The following PRPF39 variants were observed in gnomAD, a reference collection of about 807,000 sequenced individuals.
The protein encoded by PRPF39 is pre-mRNA-processing factor 39.
PRPF39 carries 27 observed loss-of-function variants against 82.1 expected under a neutral mutation model. The ratio of observed to expected loss-of-function variants is 0.33; its 90% CI spans 0.24 to 0.45. The LOEUF is 0.45. Ranked by LOEUF, PRPF39 falls within the 20% of genes least tolerant of loss-of-function variation. PRPF39 has a pLI of 1.00. For missense variants in PRPF39, 581 were observed against 796.9 expected (o/e 0.73, Z 3.26); for synonymous variants, 261 against 256.4 (o/e 1.02, Z -0.17).
chr14:45,086,367 G>A (rs1883828305), intron 1 of PRPF39, among the ~76,000 whole-genome samples: 1 of 152,136 alleles, frequency 6.6e-6, no homozygotes, highest in Admixed American at 6.5e-5. Flanking sequence ...AAAAGTGAAA[G>A]GTATGATAAA....
At position 45,108,513 on chromosome 14, in the gene PRPF39, TGAA is replaced by T. The variant is rs1304645875; in HGVS notation, c.1007_1009del (p.Glu336del). On this transcript the variant is annotated inframe_deletion, in exon 7 of 14. Transcript: ENST00000355765. ...ATGAAGTTAGTAAAAGGTGGACATT[TGAA>T]GAAGGTGTAAGTGTTTTTGTTTTGT... 6.3e-7 allele frequency: 1 copy of T among 1,594,650 alleles called. No individual in the cohort carries two copies. Among genetic ancestry groups the T allele is most frequent in the Non-Finnish European group, 8.5e-7 (1 of 1,174,858 alleles).
chr14:45,103,574 A>G (rs1213420699), intron 5 of PRPF39, among the ~76,000 whole-genome samples: 3 of 152,100 alleles, frequency 2.0e-5, no homozygotes. Flanking sequence ...GTAAAGTACT[A>G]AGGATCAATG....
chr14:45,112,420 G>A lies in PRPF39; in HGVS notation c.1675G>A (p.Gly559Ser). 1.3e-6 allele frequency: 2 copies of A among 1,558,700 alleles called. No homozygotes were observed. The highest frequency in any genetic ancestry group is 1.7e-6 in the Non-Finnish European group (2 of 1,161,686). The change falls in exon 11 of 14, where the codon GGT becomes AGT. Residue 559 changes from glycine (G) to serine (S), a missense_variant. Transcript: ENST00000355765. ...ILNCFDKAVH[G>S]SLPIKMRITF... ...AAATTGTTTTGACAAAGCTGTACATGGTTCATTACCTATTAAAATGAGAAT... is the reference window on the plus strand; with the variant it reads ...AAATTGTTTTGACAAAGCTGTACATAGTTCATTACCTATTAAAATGAGAAT...
intron 11 of PRPF39, 120 bp downstream of exon 11, chr14:45,112,622 A>G: frequency 9.6e-7 from 1 of 1,041,944 alleles, no homozygotes; most frequent in Non-Finnish European, 1.3e-6. Context: ...CGCTTAGTTT[A>G]CTTTTTCCTC....
Position 45,096,982 on chromosome 14 carries a change from T to C in PRPF39, c.546T>C (p.Pro182=). Residue 182 remains proline (P), a synonymous_variant, in exon 4 of 14, where the codon CCT becomes CCC. Coordinates refer to ENST00000355765, the MANE Select transcript of PRPF39 (RefSeq NM_017922.4). ...AAGAAACATTGGACCCTGGTGATCC[T>C]GAGACAAACAATACAATAAGAGGGT... ...FLKETLDPGD[P]ETNNTIRGTF... 6.5e-7 allele frequency: 1 copy of C among 1,547,928 alleles called. No homozygotes were observed.
chr14:45,104,670 C>G (rs977437823), intron 5 of PRPF39, among the ~76,000 whole-genome samples: 3 of 152,086 alleles, frequency 2.0e-5, no homozygotes, highest in Non-Finnish European at 4.4e-5. Flanking sequence ...TAGGCTTGTA[C>G]CATTGGATGT....
intron 6 of PRPF39, among the ~76,000 whole-genome samples, chr14:45,107,858 GGCGGAGGTTGCAGTGA>G (rs1283731245): frequency 6.6e-6 from 1 of 152,074 alleles, no homozygotes; most frequent in Non-Finnish European, 1.5e-5. Flanking sequence ...GAACCTGGAA[GGCGGAGGTTGCAGTGA>G]GCTAAGATGG....
chr14:45,115,941 T>C lies in PRPF39; in HGVS notation c.*1028T>C. ...CAATTTTTATTGAGCCACTTAAGTT[T>C]ACAACATGAGGTAAAAGGAAAAAGT... On this transcript the variant is annotated 3_prime_UTR_variant, in exon 14 of 14. Transcript: ENST00000355765. 2 of 406,028 alleles carry C rather than the reference T, an allele frequency of 4.9e-6. No individual in the cohort carries two copies. The highest frequency in any genetic ancestry group is 7.0e-5 in the Admixed American group (2 of 28,650). 25.2% of individuals were successfully genotyped at this position (406,028 alleles called of 1,614,324 possible).
At position 45,116,232 on chromosome 14, in the gene PRPF39, A is replaced by G; in HGVS notation, c.*1319A>G. On this transcript the variant is annotated 3_prime_UTR_variant, in exon 14 of 14. Transcript: ENST00000355765. ...ATCCACTAATTCCACTTCAAAAGTG[A>G]GTTTTGCATTTGGTGGAATTCTGTT... 6.2e-7 allele frequency: 1 copy of G among 1,613,178 alleles called. No individual in the cohort carries two copies. The highest frequency in any genetic ancestry group is 8.5e-7 in the Non-Finnish European group (1 of 1,179,286).
At chr14:45,096,044 A>G in intron 2 of PRPF39, 59 bp from the exon 3 acceptor site, 1 of 1,406,454 alleles carries the variant, frequency 7.1e-7, no homozygotes. Context: ...GAAAGGAATA[A>G]TAAATATTTT....
chr14:45,089,209 C>G (rs1450731041), intron 1 of PRPF39, among the ~76,000 whole-genome samples: 1 of 152,190 alleles, frequency 6.6e-6, no homozygotes, highest in Non-Finnish European at 1.5e-5. Flanking sequence ...ACGTTTTCTT[C>G]TAGGAATTTT....
chr14:45,100,026 G>A (rs944311659), intron 4 of PRPF39, among the ~76,000 whole-genome samples: 3 of 152,028 alleles, frequency 2.0e-5, no homozygotes, highest in Admixed American at 6.6e-5. Flanking sequence ...TCAGGAGTTC[G>A]AGACCAGTCT....
At position 45,110,573 on chromosome 14, in the gene PRPF39, T is replaced by C. The variant is rs758077499; in HGVS notation, c.1328T>C (p.Ile443Thr). 1.5e-5 allele frequency: 23 copies of C among 1,563,828 alleles called. No homozygotes were observed. Among genetic ancestry groups the C allele is most frequent in the African/African-American group, 1.4e-5 (1 of 73,770 alleles). The change falls in exon 10 of 14, where the codon ATC (isoleucine) becomes ACC (threonine). Residue 443 changes from isoleucine to threonine, a missense_variant. Coordinates refer to ENST00000355765, the MANE Select transcript of PRPF39 (RefSeq NM_017922.4). The surrounding 1 kb of genome is among the most constrained non-coding windows in gnomAD (Gnocchi z 4.0). ...QQGNINEARNILKTFEECVLG... is the reference protein window; with the variant it reads ...QQGNINEARNTLKTFEECVLG... Reference sequence around the variant, plus strand: ...GGTAATATTAATGAAGCCAGGAATATCTTGAAAACATTTGAAGAATGTGTT... The same window carrying C: ...GGTAATATTAATGAAGCCAGGAATACCTTGAAAACATTTGAAGAATGTGTT...
intron 4 of PRPF39, among the ~76,000 whole-genome samples, chr14:45,097,366 T>C (rs890771198): frequency 6.6e-6 from 1 of 152,164 alleles, no homozygotes; most frequent in East Asian, 1.9e-4. Flanking sequence ...ACAAAAAGTA[T>C]TTTATAATAC....
intron 1 of PRPF39, among the ~76,000 whole-genome samples, chr14:45,088,529 G>C (rs1231225438): frequency 6.6e-6 from 1 of 152,222 alleles, no homozygotes; most frequent in Non-Finnish European, 1.5e-5. Context: ...CAAGTTAGTA[G>C]AGAAGAGGCA....
chr14:45,096,370 G>A, intron 3 of PRPF39, 142 bp downstream of exon 3: 15 of 1,452,236 alleles, frequency 1.0e-5, no homozygotes, highest in Non-Finnish European at 1.4e-5. Context: ...GTATTTATTT[G>A]CATTTGTCAC....
chr14:45,109,865 T>G, intron 8 of PRPF39, 85 bp downstream of exon 8: 1 of 1,522,238 alleles, frequency 6.6e-7, no homozygotes, highest in South Asian at 1.3e-5. Flanking sequence ...TGTTGAATGT[T>G]GTTCATATAA....
At chr14:45,099,250 T>G (rs1884296212) in intron 4 of PRPF39, among the ~76,000 whole-genome samples, 1 of 152,160 alleles carries the variant, frequency 6.6e-6, no homozygotes, top group African/African-American at 2.4e-5. Context: ...ATGTTATTAT[T>G]ATGGATATTC....
At chr14:45,113,889 C>G (rs1057308109) in intron 11 of PRPF39, among the ~76,000 whole-genome samples, 1 of 152,116 alleles carries the variant, frequency 6.6e-6, no homozygotes, top group Non-Finnish European at 1.5e-5. Flanking sequence ...CAGTAGGTAG[C>G]TGACAGTAGT....
Sources: allele counts gnomAD v4.1 joint callset (sites outside exome capture counted in the v4.1 genomes callset), GRCh38; gene constraint gnomAD v4.1.1; non-coding constraint Gnocchi (gnomAD v3.1); transcripts MANE v1.5; gene names NCBI Gene and HGNC (gene_info 2026-07-23, HGNC 2026-07-21).